The following NRXN3 variants were observed in gnomAD, a reference collection of about 807,000 sequenced individuals.
NRXN3 encodes neurexin 3, also known as neurexin III.
NRXN3 carries 32 observed loss-of-function variants against 137.6 expected under a neutral mutation model. The ratio of observed to expected loss-of-function variants is 0.23; its 90% CI spans 0.18 to 0.31. The LOEUF is 0.31. NRXN3 is among the 10% of genes least tolerant of loss of function. NRXN3 has a pLI of 1.00. For missense variants in NRXN3, 1,574 were observed against 2,062.5 expected (o/e 0.76, Z 4.59); for synonymous variants, 798 against 784.5 (o/e 1.02, Z -0.29).
At chr14:79,734,656 A>G (rs549981113) in intron 19 of NRXN3, among the ~76,000 whole-genome samples, 1 of 152,122 alleles carries the variant, frequency 6.6e-6, no homozygotes, top group Non-Finnish European at 1.5e-5. Context: ...AGGCAAATAT[A>G]CTGATGATGA....
chr14:78,654,955 C>T (rs1326360760), intron 6 of NRXN3, among the ~76,000 whole-genome samples: 3 of 152,184 alleles, frequency 2.0e-5, no homozygotes, highest in Non-Finnish European at 4.4e-5. Flanking sequence ...CAAGAATCTT[C>T]TCTGCCTCCC....
intron 17 of NRXN3, among the ~76,000 whole-genome samples, chr14:79,687,535 C>A (rs1368646292): frequency 1.3e-5 from 2 of 152,172 alleles, no homozygotes; most frequent in South Asian, 4.1e-4. Context: ...GTTCATTAGA[C>A]CCACAGTCTG....
Position 79,145,940 on chromosome 14 carries a change from A to G in NRXN3, c.3262+157799A>G, listed in dbSNP as rs573650680. Among the ~76,000 whole-genome samples the G allele has an allele frequency of 3.9e-5, 6 of 152,186 alleles. No homozygotes were observed. In the South Asian group the frequency reaches 6.2e-4, roughly 16 times the overall value. ...TTTTCCAAATATTGTAGATAAAGAA[A>G]TTGAGGCACAGAGGTGTTACTTAAC... On this transcript the variant is annotated intron_variant, in intron 15 of 20. Transcript: ENST00000335750.
At chr14:78,487,013 C>T (rs769071973) in intron 4 of NRXN3, among the ~76,000 whole-genome samples, 39 of 152,292 alleles carry the variant, frequency 2.6e-4, no homozygotes, top group South Asian at 8.3e-4. Context: ...CAAGAGCAGA[C>T]GTAGGCCTGT....
chr14:78,523,112 A>C (rs1366517384), intron 4 of NRXN3, among the ~76,000 whole-genome samples: 2 of 152,234 alleles, frequency 1.3e-5, no homozygotes, highest in African/African-American at 2.4e-5. Context: ...GACAATAGAC[A>C]CAAGTCTGAT....
intron 16 of NRXN3, among the ~76,000 whole-genome samples, chr14:79,532,902 A>G (rs1158253516): frequency 6.6e-6 from 1 of 152,204 alleles, no homozygotes; most frequent in Non-Finnish European, 1.5e-5. Context: ...ATTTGTTGGC[A>G]TAGGAGAAGA....
intron 1 of NRXN3, among the ~76,000 whole-genome samples, chr14:78,196,181 G>A (rs1292349873): frequency 6.6e-6 from 1 of 152,212 alleles, no homozygotes. Flanking sequence ...CTTCATCTCC[G>A]AGTACTGCCT....
chr14:78,639,370 C>A (rs1207848458), intron 4 of NRXN3, among the ~76,000 whole-genome samples: 1 of 152,194 alleles, frequency 6.6e-6, no homozygotes, highest in South Asian at 2.1e-4. Context: ...GGCTCCCACT[C>A]CTTTCTGGAG....
chr14:79,762,072 T>C (rs1277297406), intron 19 of NRXN3, among the ~76,000 whole-genome samples: 1 of 151,628 alleles, frequency 6.6e-6, no homozygotes, highest in Non-Finnish European at 1.5e-5. Flanking sequence ...GATTTTATAT[T>C]GGAAACAAGG....
chr14:78,420,257 A>C (rs2093384430), intron 4 of NRXN3, among the ~76,000 whole-genome samples: 1 of 152,220 alleles, frequency 6.6e-6, no homozygotes, highest in South Asian at 2.1e-4. Flanking sequence ...TTTTTAAATC[A>C]CAAAACAAAA....
intron 15 of NRXN3, among the ~76,000 whole-genome samples, chr14:79,197,055 C>T (rs1310099490): frequency 6.6e-6 from 1 of 152,142 alleles, no homozygotes; most frequent in Non-Finnish European, 1.5e-5. Context: ...CATCTCTTAT[C>T]CTATTTCTGG....
chr14:79,831,696 T>A (rs1304122578), intron 20 of NRXN3, among the ~76,000 whole-genome samples: 3 of 152,154 alleles, frequency 2.0e-5, no homozygotes, highest in African/African-American at 7.2e-5. Context: ...GACTAAGAAC[T>A]GATCATCTGG....
intron 10 of NRXN3, among the ~76,000 whole-genome samples, chr14:78,952,296 AC>A (rs1442573412): frequency 1.3e-5 from 2 of 152,254 alleles, no homozygotes; most frequent in Non-Finnish European, 2.9e-5. Flanking sequence ...AACAAAACAA[AC>A]AAAACACCTC....
At chr14:79,254,069 T>G (rs910770509) in intron 15 of NRXN3, among the ~76,000 whole-genome samples, 17 of 152,142 alleles carry the variant, frequency 1.1e-4, no homozygotes, top group African/African-American at 3.4e-4. Context: ...GTCTAACTTA[T>G]TTTTTTCTTG....
chr14:78,448,982 G>C (rs1179731685), intron 4 of NRXN3, among the ~76,000 whole-genome samples: 1 of 152,176 alleles, frequency 6.6e-6, no homozygotes, highest in Admixed American at 6.5e-5. Flanking sequence ...GCTCTCTGCA[G>C]TGGAATCTCC....
chr14:79,762,700 C>T (rs2099042760), intron 19 of NRXN3, among the ~76,000 whole-genome samples: 1 of 151,438 alleles, frequency 6.6e-6, no homozygotes, highest in Admixed American at 6.6e-5. Context: ...TGTGGCAACC[C>T]ATGGTTATTG....
chr14:78,935,368 T>C (rs1189605874), intron 10 of NRXN3, among the ~76,000 whole-genome samples: 1 of 152,202 alleles, frequency 6.6e-6, no homozygotes, highest in East Asian at 1.9e-4. Context: ...GTCATTTCCA[T>C]GTATAGAGCC....
At chr14:79,503,175 T>C (rs1305293657) in intron 16 of NRXN3, among the ~76,000 whole-genome samples, 4 of 152,218 alleles carry the variant, frequency 2.6e-5, no homozygotes, top group Non-Finnish European at 5.9e-5. Flanking sequence ...TTATTATATC[T>C]AGTTTAATTT....
At chr14:78,352,531 C>G (rs2083681777) in intron 4 of NRXN3, among the ~76,000 whole-genome samples, 1 of 152,174 alleles carries the variant, frequency 6.6e-6, no homozygotes, top group Non-Finnish European at 1.5e-5. Context: ...TTGAAGAAAC[C>G]TGGTCTCCTG....
Sources: gnomAD v4.1 joint callset for allele counts (sites outside exome capture counted in the v4.1 genomes callset) on GRCh38, gnomAD v4.1.1 for gene constraint, MANE v1.5 for transcripts, NCBI Gene and HGNC (gene_info 2026-07-23, HGNC 2026-07-21) for gene names.